Variants in FGD6 observed in about 807,000 individuals in gnomAD.
FGD6 encodes FYVE, RhoGEF and PH domain containing 6, also known as FYVE, RhoGEF and PH domain-containing protein 6.
A neutral mutation model predicts 149.4 loss-of-function variants in FGD6; 90 were observed. That is an observed-to-expected ratio of 0.60 (90% CI 0.51 to 0.72). FGD6 has a LOEUF of 0.72. FGD6 is among the 30% of genes least tolerant of loss of function. FGD6 has a pLI of 0.00. For missense variants in FGD6, 1,437 were observed against 1,684.8 expected, an observed-to-expected ratio of 0.85 and a Z score of 2.57; for synonymous variants, 527 against 584.0, an observed-to-expected ratio of 0.90 and a Z score of 1.41.
intron 3 of FGD6, among the ~76,000 whole-genome samples, chr12:95,160,944 C>A (rs191347944): frequency 1.7e-3 from 265 of 152,010 alleles, no homozygotes; most frequent in Middle Eastern, 0.01. Flanking sequence ...GCACTTTTGG[C>A]CAAGGCAGCC....
chr12:95,100,055 T>TC (rs33962935), intron 14 of FGD6, among the ~76,000 whole-genome samples: 240 of 129,156 alleles, frequency 1.9e-3, no homozygotes, highest in Middle Eastern at 3.8e-3. Context: ...ACTTTTCTGA[T>TC]CCCCCCCCCC....
At chr12:95,212,163 T>C (rs1378203999) in intron 1 of FGD6, among the ~76,000 whole-genome samples, 1 of 152,222 alleles carries the variant, frequency 6.6e-6, no homozygotes, top group Non-Finnish European at 1.5e-5. Context: ...TTCATTATAT[T>C]CCTTCACGGA....
At chr12:95,088,859 T>G (rs1390199102) in intron 18 of FGD6, among the ~76,000 whole-genome samples, 1 of 152,214 alleles carries the variant, frequency 6.6e-6, no homozygotes, top group African/African-American at 2.4e-5. Flanking sequence ...CTTGATCAAA[T>G]TTTTAGAGTT....
intron 3 of FGD6, among the ~76,000 whole-genome samples, chr12:95,171,653 C>A (rs763182495): frequency 6.6e-6 from 1 of 152,134 alleles, no homozygotes; most frequent in Non-Finnish European, 1.5e-5. Context: ...GTGGCTGGGA[C>A]TACAGGTGCC....
rs573077923 is a variant in FGD6, at chr12:95,204,707, C to T, written c.2441+4136G>A. On this transcript the variant is annotated intron_variant, in intron 2 of 20. Coordinates refer to ENST00000343958, the MANE Select transcript of FGD6 (RefSeq NM_018351.4). The stretch of plus-strand genomic sequence containing the variant: ...CATCACAGGGACACACGTGCATGCA[C>T]GCGCACACACACACACACATACACA... Among the ~76,000 whole-genome samples the T allele has an allele frequency of 2.1e-4, 29 of 136,176 alleles. No homozygotes were observed. The South Asian group carries it at 6.5e-3, about 30-fold the overall frequency. The allele number at this position is 136,176 out of a possible 152,430, so 89.3% of individuals were successfully genotyped here.
chr12:95,132,692 C>CTGTG (rs1293340372), intron 8 of FGD6, among the ~76,000 whole-genome samples: 1 of 152,106 alleles, frequency 6.6e-6, no homozygotes, highest in African/African-American at 2.4e-5. Flanking sequence ...GCGGAGTTTG[C>CTGTG]AGTGAGCTGA....
intron 1 of FGD6, 83 bp downstream of exon 1, chr12:95,217,142 C>G (rs896699540): frequency 6.3e-7 from 1 of 1,589,292 alleles, no homozygotes; most frequent in Non-Finnish European, 8.6e-7. Flanking sequence ...TCGCCCACCC[C>G]GGCGAAGAAA....
At chr12:95,193,039 T>C (rs564059279) in intron 2 of FGD6, among the ~76,000 whole-genome samples, 1 of 152,288 alleles carries the variant, frequency 6.6e-6, no homozygotes, top group Admixed American at 6.5e-5. Flanking sequence ...GGGTCACTCA[T>C]ACATCGCTGG....
chr12:95,150,912 T>C (rs1880291751), intron 5 of FGD6, among the ~76,000 whole-genome samples: 1 of 152,072 alleles, frequency 6.6e-6, no homozygotes, highest in Admixed American at 6.6e-5. Flanking sequence ...CTGGGCAACA[T>C]GGCTAAAACC....
chr12:95,155,105 T>C (rs762906418), intron 3 of FGD6, among the ~76,000 whole-genome samples: 2 of 152,210 alleles, frequency 1.3e-5, no homozygotes, highest in Non-Finnish European at 2.9e-5. Flanking sequence ...AATATGACTA[T>C]ATATGTTCCA....
At chr12:95,174,335 C>T (rs749442539) in intron 2 of FGD6, among the ~76,000 whole-genome samples, 1 of 152,056 alleles carries the variant, frequency 6.6e-6, no homozygotes, top group Non-Finnish European at 1.5e-5. Flanking sequence ...GAAAAGGTAC[C>T]CCACCACTTG....
At chr12:95,137,050 G>C (rs1261553332) in intron 7 of FGD6, among the ~76,000 whole-genome samples, 1 of 152,194 alleles carries the variant, frequency 6.6e-6, no homozygotes, top group African/African-American at 2.4e-5. Flanking sequence ...GGCCGAGCAG[G>C]GTGGATCACC....
intron 5 of FGD6, among the ~76,000 whole-genome samples, chr12:95,149,199 ATAATATTATATAT>A (rs1880182707): frequency 2.5e-4 from 1 of 4,004 alleles, no homozygotes. Context: ...TATAGCATAT[ATAATATTATATAT>A]TATATAATAT....
intron 2 of FGD6, among the ~76,000 whole-genome samples, chr12:95,190,036 A>C (rs1881544309): frequency 1.3e-5 from 2 of 151,950 alleles, no homozygotes; most frequent in African/African-American, 4.8e-5. Flanking sequence ...AAGAGTATTT[A>C]ATACATTGAG....
chr12:95,181,022 C>T (rs1881268461), intron 2 of FGD6, among the ~76,000 whole-genome samples: 2 of 151,900 alleles, frequency 1.3e-5, no homozygotes, highest in Admixed American at 1.3e-4. Context: ...TCTCTTTTAA[C>T]TATTGCTTAA....
intron 5 of FGD6, among the ~76,000 whole-genome samples, chr12:95,146,458 AGCTCTTCAAAAGTTAGATCCAGAGT>A (rs1880018204): frequency 6.6e-6 from 1 of 152,240 alleles, no homozygotes; most frequent in South Asian, 2.1e-4. Flanking sequence ...CAGCAGGATT[AGCTCTTCAAAAGTTAGATCCAGAGT>A]TTAATTTTTC....
chr12:95,164,057 A>G (rs995647144), intron 3 of FGD6, among the ~76,000 whole-genome samples: 1 of 152,344 alleles, frequency 6.6e-6, no homozygotes, highest in African/African-American at 2.4e-5. Context: ...TCCCTGTTAA[A>G]TAACAGCGTC....
At position 95,106,946 on chromosome 12, in the gene FGD6, G is replaced by A. The variant is rs1878648282; in HGVS notation, c.3417+8C>T. On this transcript the variant is annotated splice_region_variant and intron_variant, in intron 13 of 20. Coordinates refer to ENST00000343958, the MANE Select transcript of FGD6 (RefSeq NM_018351.4). ...ACAAAAAACAAAACATCTAACAGAT[G>A]CACACACCTTCATTCCAGCCAGTGA... The A allele has an allele frequency of 6.3e-7, 1 of 1,576,916 alleles. No individual in the cohort carries two copies. The highest frequency in any genetic ancestry group is 1.4e-5 in the African/African-American group (1 of 71,086).
intron 5 of FGD6, among the ~76,000 whole-genome samples, chr12:95,142,413 G>A (rs1029708726): frequency 1.3e-5 from 2 of 152,082 alleles, no homozygotes; most frequent in Non-Finnish European, 2.9e-5. Context: ...AAAGTGCTGG[G>A]ATTACAAGTG....
Sources: gnomAD v4.1 joint callset for allele counts (sites outside exome capture counted in the v4.1 genomes callset) on GRCh38, gnomAD v4.1.1 for gene constraint, MANE v1.5 for transcripts, NCBI Gene and HGNC (gene_info 2026-07-23, HGNC 2026-07-21) for gene names.